Variants in LAMA4 observed in about 807,000 individuals in gnomAD.
The protein encoded by LAMA4 is laminin subunit alpha 4, also known as laminin subunit alpha-4.
A neutral mutation model predicts 207.1 loss-of-function variants in LAMA4; 127 were observed. The ratio of observed to expected loss-of-function variants is 0.61; its 90% confidence interval spans 0.53 to 0.71. The LOEUF is 0.71. Ranked by LOEUF, LAMA4 falls within the 30% of genes least tolerant of loss-of-function variation. The pLI, the probability that LAMA4 is intolerant of heterozygous loss-of-function variation, is 0.00. For synonymous variants in LAMA4, 761 were observed against 816.0 expected, an observed-to-expected ratio of 0.93 and a Z score of 1.15; for missense variants, 2,093 against 2,246.5, an observed-to-expected ratio of 0.93 and a Z score of 1.38.
intron 29 of LAMA4, 180 bp from the exon 30 acceptor site, chr6:112,130,220 C>T: frequency 1.7e-6 from 1 of 594,776 alleles, no homozygotes; most frequent in Non-Finnish European, 3.0e-6. Flanking sequence ...TTTCTATATG[C>T]AAAAAAGATC....
At position 112,215,307 on chromosome 6, in the gene LAMA4, A is replaced by G. The variant is rs547618395; in HGVS notation, c.297+1061T>C. On this transcript the variant is annotated intron_variant, in intron 3 of 38. Coordinates refer to ENST00000230538, the MANE Select transcript of LAMA4 (RefSeq NM_001105206.3). ...AGCAACATTAGTATTTTGTCACTTA[A>G]TTCTCTGTCCCTAGAAAAATGGCAA... Among the ~76,000 whole-genome samples, 86 of 152,326 alleles carry G rather than the reference A, an allele frequency of 5.6e-4. No individual in the cohort carries two copies. In the South Asian group the frequency reaches 0.018, roughly 32 times the overall value.
intron 2 of LAMA4, among the ~76,000 whole-genome samples, chr6:112,237,697 AC>A (rs1446386027): frequency 6.6e-6 from 1 of 152,182 alleles, no homozygotes; most frequent in Non-Finnish European, 1.5e-5. Flanking sequence ...ATCAGCAGCA[AC>A]TTTGACTTCT....
intron 13 of LAMA4, among the ~76,000 whole-genome samples, chr6:112,160,447 C>CA (rs1473186592): frequency 3.7e-5 from 3 of 80,098 alleles, no homozygotes; most frequent in African/African-American, 1.5e-4. Flanking sequence ...AAAAACAAAA[C>CA]AAACAAACAA....
At chr6:112,240,236 G>A (rs1430723254) in intron 2 of LAMA4, among the ~76,000 whole-genome samples, 5 of 151,762 alleles carry the variant, frequency 3.3e-5, no homozygotes, top group Non-Finnish European at 7.4e-5. Flanking sequence ...TTGTTTAATT[G>A]TTTTATTTTT....
intron 3 of LAMA4, among the ~76,000 whole-genome samples, chr6:112,212,891 C>A (rs1284865132): frequency 1.3e-5 from 2 of 152,118 alleles, no homozygotes; most frequent in Admixed American, 1.3e-4. Context: ...TTGATTTCTG[C>A]CTTACACAGT....
chr6:112,214,218 TTAAATA>T (rs1204021798), intron 3 of LAMA4: 15 of 389,672 alleles, frequency 3.8e-5, no homozygotes, highest in Non-Finnish European at 6.7e-5. Context: ...TTACATTTAA[TTAAATA>T]TAAATATATC....
At chr6:112,127,828 A>G (rs1778792996) in intron 31 of LAMA4, among the ~76,000 whole-genome samples, 1 of 152,172 alleles carries the variant, frequency 6.6e-6, no homozygotes, top group Non-Finnish European at 1.5e-5. Context: ...AAATTGGATC[A>G]TGAAAGAGGT....
At chr6:112,122,244 G>C (rs1554326396) in intron 31 of LAMA4, 43 bp from the exon 32 acceptor site, 2 of 1,443,138 alleles carry the variant, frequency 1.4e-6, no homozygotes, top group African/African-American at 2.8e-5. Context: ...TGACATACTA[G>C]CAGCAAAAAG....
At chr6:112,210,202 G>T (rs9487850) in intron 3 of LAMA4, among the ~76,000 whole-genome samples, 1 of 149,192 alleles carries the variant, frequency 6.7e-6, no homozygotes. Context: ...TCTCAGGTAC[G>T]TCTTTTTTTT....
chr6:112,196,308 C>T (rs919456120), intron 5 of LAMA4: 1 of 149,786 alleles, frequency 6.7e-6, no homozygotes, highest in Non-Finnish European at 1.5e-5. Context: ...CGTTAACCAG[C>T]ATTTCCCTAT....
chr6:112,251,634 C>G (rs1233793381), intron 2 of LAMA4: 4 of 152,170 alleles, frequency 2.6e-5, no homozygotes, highest in African/African-American at 9.7e-5. Flanking sequence ...GTGTTTGTAC[C>G]ATGTTATTAA....
chr6:112,215,727 C>T (rs1031966566), intron 3 of LAMA4, among the ~76,000 whole-genome samples: 16 of 152,134 alleles, frequency 1.1e-4, no homozygotes, highest in African/African-American at 2.7e-4. Context: ...GTAGCAAGTA[C>T]TTTTCTGCTG....
chr6:112,167,595 T>G (rs1781453545), intron 12 of LAMA4, among the ~76,000 whole-genome samples: 1 of 152,150 alleles, frequency 6.6e-6, no homozygotes, highest in South Asian at 2.1e-4. Context: ...GAAAGTAGTG[T>G]TTAGTAATTT....
intron 29 of LAMA4, chr6:112,130,300 T>TTGTGTGTGTGTGTGTG (rs35563593): frequency 6.0e-5 from 23 of 382,134 alleles, no homozygotes; most frequent in African/African-American, 2.4e-4. Flanking sequence ...AGCATTATTT[T>TTGTGTGTGTGTGTGTG]TGTGTGTGTG....
intron 19 of LAMA4, among the ~76,000 whole-genome samples, chr6:112,143,950 T>C (rs1219872615): frequency 6.6e-6 from 1 of 152,218 alleles, no homozygotes; most frequent in Non-Finnish European, 1.5e-5. Flanking sequence ...CAGGTCTATT[T>C]ACCAAGAATA....
intron 35 of LAMA4, 71 bp from the exon 36 acceptor site, chr6:112,116,064 A>G: frequency 7.0e-7 from 1 of 1,423,670 alleles, no homozygotes; most frequent in Admixed American, 1.7e-5. Flanking sequence ...TGATTTTGTA[A>G]TTATATATAT....
At chr6:112,121,143 A>G (rs1283228016) in intron 32 of LAMA4, among the ~76,000 whole-genome samples, 1 of 152,208 alleles carries the variant, frequency 6.6e-6, no homozygotes, top group Non-Finnish European at 1.5e-5. Context: ...TGTGGACAAA[A>G]TACTAGTGAA....
At position 112,120,430 on chromosome 6, in the gene LAMA4, G is replaced by C; in HGVS notation, c.4518C>G (p.Gly1506=). The stretch of plus-strand genomic sequence containing the variant: ...CTTGATCTGAGACATAGAAGATCAT[G>C]CCATGGGAGGAACGAGTTCTCAGAC... The part of the protein sequence containing the change: ...SIRLRTRSSH[G]MIFYVSDQEE... The change falls in exon 33 of 39, where the codon GGC becomes GGG. Residue 1506 remains glycine, a synonymous_variant. Transcript: ENST00000230538. 1 of 1,613,988 alleles carries C rather than the reference G, an allele frequency of 6.2e-7. No homozygotes were observed. Among genetic ancestry groups the C allele is most frequent in the South Asian group, 1.1e-5 (1 of 91,082 alleles).
At chr6:112,213,980 A>G (rs1784488730) in intron 3 of LAMA4, 1 of 735,750 alleles carries the variant, frequency 1.4e-6, no homozygotes. Flanking sequence ...AGAAGTGTTC[A>G]TGTTGGAGCC....
Sources: gnomAD v4.1 joint callset for allele counts (sites outside exome capture counted in the v4.1 genomes callset) on GRCh38, gnomAD v4.1.1 for gene constraint, MANE v1.5 for transcripts, NCBI Gene and HGNC (gene_info 2026-07-23, HGNC 2026-07-21) for gene names.